Variants in SMOC2 observed in about 807,000 individuals in gnomAD.
SMOC2 encodes SPARC related modular calcium binding 2.
SMOC2 carries 39 observed loss-of-function variants against 61.4 expected under a neutral mutation model. The ratio of observed to expected loss-of-function variants is 0.64; its 90% CI spans 0.49 to 0.83. The LOEUF (loss-of-function observed/expected upper bound fraction) is 0.83. Among genes scored for constraint, SMOC2 ranks in the 40% least tolerant of loss-of-function variants. SMOC2 has a pLI of 0.00. For synonymous variants in SMOC2, 247 were observed against 239.9 expected (o/e 1.03, Z -0.27); for missense variants, 556 against 592.9 (o/e 0.94, Z 0.65).
chr6:168,599,713 C>A (rs1034269711), intron 8 of SMOC2, among the ~76,000 whole-genome samples: 148 of 144,446 alleles, frequency 1.0e-3, no homozygotes, highest in Non-Finnish European at 1.4e-3. Context: ...CCCACAGTCA[C>A]ACACAACCAC....
chr6:168,459,015 T>C (rs1330224777), intron 1 of SMOC2, among the ~76,000 whole-genome samples: 5 of 152,224 alleles, frequency 3.3e-5, no homozygotes, highest in African/African-American at 1.2e-4. Flanking sequence ...TAATGCTTAC[T>C]ATATCCAGGG....
chr6:168,611,748 C>G (rs1388619532), intron 9 of SMOC2, among the ~76,000 whole-genome samples: 3 of 152,104 alleles, frequency 2.0e-5, no homozygotes, highest in Non-Finnish European at 2.9e-5. Context: ...GCTCCCATGT[C>G]AGGCCCTGAT....
chr6:168,502,960 G>A (rs1396968853), intron 1 of SMOC2, among the ~76,000 whole-genome samples: 2 of 150,676 alleles, frequency 1.3e-5, no homozygotes, highest in South Asian at 2.1e-4. Flanking sequence ...TAGAGGTAGG[G>A]TTTCACTGTG....
chr6:168,549,295 G>A, intron 7 of SMOC2, 92 bp downstream of exon 7: 1 of 1,214,720 alleles, frequency 8.2e-7, no homozygotes, highest in Non-Finnish European at 1.2e-6. Flanking sequence ...GTATTGTACA[G>A]TTGACCCTTG....
rs148012535 is a variant in SMOC2 at position 168,475,632 on chromosome 6, C to T, written c.84+34178C>T. On this transcript the variant is annotated intron_variant, in intron 1 of 12. Coordinates refer to ENST00000356284, the MANE Select transcript of SMOC2 (RefSeq NM_001166412.2). The surrounding 1 kb of genome is among the most constrained non-coding windows in gnomAD (Gnocchi z 4.6). The stretch of plus-strand genomic sequence containing the variant: ...CTGAGACAGGAGGGTGAGTCCAGAG[C>T]GGGGACAGAGGACGAGAACTGAGAC... Among the ~76,000 whole-genome samples the T allele has an allele frequency of 4.6e-3, 695 of 152,188 alleles. 8 individuals carry two copies. Among genetic ancestry groups the T allele is most frequent in the African/African-American group, 0.016 (646 of 41,536 alleles).
At chr6:168,666,259 T>C (rs918551835) in intron 12 of SMOC2, among the ~76,000 whole-genome samples, 162 bp from the exon 13 acceptor site, 1 of 151,570 alleles carries the variant, frequency 6.6e-6, no homozygotes, top group Admixed American at 6.6e-5. Context: ...AAGTTACCAG[T>C]GTCCAAAATG....
chr6:168,523,022 C>CCA (rs1334037442), intron 2 of SMOC2, among the ~76,000 whole-genome samples: 2 of 148,846 alleles, frequency 1.3e-5, no homozygotes, highest in Admixed American at 1.3e-4. Context: ...GCCACTGAAT[C>CCA]GTTCACTTTA....
intron 5 of SMOC2, 79 bp from the exon 6 acceptor site, chr6:168,547,040 C>G: frequency 6.4e-7 from 1 of 1,562,958 alleles, no homozygotes. Flanking sequence ...AAGTCCTCAG[C>G]ATCCACCCGT....
At chr6:168,511,568 C>A (rs985868663) in intron 2 of SMOC2, among the ~76,000 whole-genome samples, 1 of 152,154 alleles carries the variant, frequency 6.6e-6, no homozygotes, top group Non-Finnish European at 1.5e-5. Context: ...CAAACCATAT[C>A]AGGGTGATTT....
rs1783946561 is a variant in SMOC2, at chr6:168,544,465, G to A, written c.511+793G>A. Among the ~76,000 whole-genome samples, 1 of 152,186 alleles carries A rather than the reference G, an allele frequency of 6.6e-6. No homozygotes were observed. Among genetic ancestry groups the A allele is most frequent in the African/African-American group, 2.4e-5 (1 of 41,456 alleles). On this transcript the variant is annotated intron_variant, in intron 5 of 12. Transcript: ENST00000356284. The surrounding 1 kb of genome is among the most constrained non-coding windows in gnomAD (Gnocchi z 4.1). ...AGGCAGGCAGATCACCTGAGGTCAGGAGTTTGAGACCAGCCTGGCCAAAAT... is the reference window on the plus strand; with the variant it reads ...AGGCAGGCAGATCACCTGAGGTCAGAAGTTTGAGACCAGCCTGGCCAAAAT...
intron 1 of SMOC2, among the ~76,000 whole-genome samples, chr6:168,447,527 G>GAGTC (rs2114990116): frequency 6.6e-6 from 1 of 152,286 alleles, no homozygotes. Context: ...CCCTGCCCTA[G>GAGTC]AGCCAGCTGC....
intron 7 of SMOC2, among the ~76,000 whole-genome samples, chr6:168,582,808 A>G (rs1175501087): frequency 6.6e-6 from 1 of 152,190 alleles, no homozygotes; most frequent in Non-Finnish European, 1.5e-5. Flanking sequence ...ACTCAGCTCA[A>G]ACGAACCGAC....
rs1279140835 is a variant in SMOC2, at chr6:168,553,491, T to C, written c.637+4288T>C. Among the ~76,000 whole-genome samples, 3 of 152,344 alleles carry C rather than the reference T, an allele frequency of 2.0e-5. No individual in the cohort carries two copies. In the East Asian group the frequency reaches 5.8e-4, roughly 29 times the overall value. ...ACTGGCATATTAAGTACTTTCTAGATTTCTGCCTGATTTCCTTTAAAACCA... is the reference window on the plus strand; with the variant it reads ...ACTGGCATATTAAGTACTTTCTAGACTTCTGCCTGATTTCCTTTAAAACCA... On this transcript the variant is annotated intron_variant, in intron 7 of 12. Coordinates refer to ENST00000356284, the MANE Select transcript of SMOC2 (RefSeq NM_001166412.2). This position sits in a 1 kb window ranked among gnomAD's most constrained non-coding sequence, Gnocchi z 4.2.
chr6:168,597,850 C>A (rs767238364), intron 7 of SMOC2, among the ~76,000 whole-genome samples: 4 of 152,144 alleles, frequency 2.6e-5, no homozygotes, highest in Non-Finnish European at 5.9e-5. Flanking sequence ...GAGGGCCAGT[C>A]AGGAGGCGGT....
intron 9 of SMOC2, among the ~76,000 whole-genome samples, chr6:168,645,723 G>A (rs933319835): frequency 3.3e-5 from 5 of 150,408 alleles, no homozygotes; most frequent in Admixed American, 6.6e-5. Flanking sequence ...GGCCCAAACC[G>A]AGAGAAGCGG....
At chr6:168,586,816 G>A (rs1377602986) in intron 7 of SMOC2, among the ~76,000 whole-genome samples, 1 of 152,114 alleles carries the variant, frequency 6.6e-6, no homozygotes, top group Non-Finnish European at 1.5e-5. Flanking sequence ...GATTGAGCTT[G>A]TACTTAGGAC....
intron 11 of SMOC2, among the ~76,000 whole-genome samples, chr6:168,661,405 C>T (rs1787506388): frequency 6.6e-6 from 1 of 152,030 alleles, no homozygotes; most frequent in East Asian, 1.9e-4. Context: ...AGATCAAGAC[C>T]ATCCTGGCCA....
At position 168,472,845 on chromosome 6, in the gene SMOC2, A is replaced by G. The variant is rs62424589; in HGVS notation, c.84+31391A>G. Among the ~76,000 whole-genome samples, 265 of 152,252 alleles carry G rather than the reference A, an allele frequency of 1.7e-3. 3 individuals are homozygous for G. Among genetic ancestry groups the G allele is most frequent in the Non-Finnish European group, 3.1e-3 (209 of 68,000 alleles). ...ATGGGGAAATGCTATTTCTCATTCA[A>G]AAGCACTGCACTGGAGCATCGTGAT... is the stretch of plus-strand genomic sequence containing the variant. On this transcript the variant is annotated intron_variant, in intron 1 of 12. Coordinates refer to ENST00000356284, the MANE Select transcript of SMOC2 (RefSeq NM_001166412.2).
At chr6:168,495,533 A>G (rs537784776) in intron 1 of SMOC2, among the ~76,000 whole-genome samples, 2 of 152,304 alleles carry the variant, frequency 1.3e-5, no homozygotes, top group East Asian at 3.9e-4. Context: ...CGAACGATAA[A>G]TGAGTGTGTG....
Sources: gnomAD v4.1 joint callset for allele counts (sites outside exome capture counted in the v4.1 genomes callset) on GRCh38, gnomAD v4.1.1 for gene constraint, Gnocchi (gnomAD v3.1) non-coding constraint, MANE v1.5 for transcripts, NCBI Gene and HGNC (gene_info 2026-07-23, HGNC 2026-07-21) for gene names.